Variants in RARB observed in about 807,000 individuals in gnomAD.
RARB encodes HBV-activated protein.
Under a neutral mutation model 51.9 loss-of-function variants are expected in RARB, and 17 were observed. That is an observed-to-expected ratio of 0.33 (90% CI 0.22 to 0.49). RARB has a LOEUF of 0.49. Among genes scored for constraint, RARB ranks in the 20% least tolerant of loss-of-function variants. The pLI is 0.99. For missense variants in RARB, 369 were observed against 550.8 expected, an observed-to-expected ratio of 0.67 and a Z score of 3.30; for synonymous variants, 215 against 195.4, an observed-to-expected ratio of 1.10 and a Z score of -0.84.
chr3:24,938,482 A>G (rs1695591160), intron 2 of RARB, among the ~76,000 whole-genome samples: 1 of 152,136 alleles, frequency 6.6e-6, no homozygotes, highest in South Asian at 2.1e-4. Flanking sequence ...AAAAAATTTA[A>G]TTTACAGACA....
chr3:25,450,167 T>TG (rs1343648357), intron 1 of RARB, among the ~76,000 whole-genome samples: 1 of 152,202 alleles, frequency 6.6e-6, no homozygotes, highest in East Asian at 1.9e-4. Context: ...TGAGTGTTAG[T>TG]GATTACTATT....
intron 4 of RARB, among the ~76,000 whole-genome samples, chr3:25,571,585 G>A (rs138670277): frequency 6.6e-6 from 1 of 152,348 alleles, no homozygotes; most frequent in Non-Finnish European, 1.5e-5. Flanking sequence ...GACAAGACTG[G>A]ACACTGTAAG....
intron 5 of RARB, among the ~76,000 whole-genome samples, chr3:25,267,264 G>A (rs1156822802): frequency 2.0e-5 from 3 of 152,112 alleles, no homozygotes; most frequent in Non-Finnish European, 1.5e-5. Flanking sequence ...ATATCATTTT[G>A]AGCAGCTAGT....
intron 2 of RARB, among the ~76,000 whole-genome samples, chr3:25,026,803 A>G (rs777118232): frequency 2.5e-4 from 38 of 152,212 alleles, no homozygotes; most frequent in Non-Finnish European, 3.4e-4. Flanking sequence ...ATCTAATTTC[A>G]GGTTACCCCA....
intron 5 of RARB, among the ~76,000 whole-genome samples, chr3:25,340,541 A>G (rs973786943): frequency 2.0e-5 from 3 of 152,202 alleles, no homozygotes; most frequent in Non-Finnish European, 2.9e-5. Context: ...GGACATGTGA[A>G]TTAATGTGTG....
At chr3:25,461,158 C>T (rs1695157445) in intron 1 of RARB, 35 bp from the exon 2 acceptor site, 1 of 1,504,366 alleles carries the variant, frequency 6.6e-7, no homozygotes. Flanking sequence ...AATACATTTT[C>T]TCTTTTTTCT....
chr3:25,421,718 C>T (rs796109685), intron 5 of RARB, among the ~76,000 whole-genome samples: 9 of 152,162 alleles, frequency 5.9e-5, no homozygotes, highest in African/African-American at 2.2e-4. Context: ...ACTGACATTT[C>T]CTAAGTACTT....
intron 3 of RARB, among the ~76,000 whole-genome samples, chr3:25,565,386 A>G (rs564728981): frequency 3.9e-5 from 6 of 152,326 alleles, no homozygotes; most frequent in Admixed American, 2.0e-4. Context: ...TATTGTGGTA[A>G]ATAATACTCT....
At chr3:25,267,912 T>C (rs1420207074) in intron 5 of RARB, among the ~76,000 whole-genome samples, 2 of 152,198 alleles carry the variant, frequency 1.3e-5, no homozygotes, top group African/African-American at 2.4e-5. Flanking sequence ...ATATGGAAAA[T>C]TGGCAAATGT....
chr3:25,544,486 A>G (rs190068949), intron 3 of RARB, among the ~76,000 whole-genome samples: 388 of 152,318 alleles, frequency 2.5e-3, no homozygotes, highest in African/African-American at 8.6e-3. Flanking sequence ...CCAAAAACCA[A>G]TTACTACCTG....
intron 5 of RARB, among the ~76,000 whole-genome samples, chr3:25,320,853 A>G (rs969411998): frequency 2.0e-5 from 3 of 152,112 alleles, no homozygotes; most frequent in Non-Finnish European, 4.4e-5. Context: ...GTATAGTCAA[A>G]CCCCAGGCAA....
rs184138063 is a variant in RARB, at chr3:24,985,767, G to T, written c.-379-74358G>T. ...GTCCCACTCTTTTGTACTTTGCACA[G>T]TAGCTACAGCAGCTGTGTTAATTAG... On this transcript the variant is annotated intron_variant, in intron 2 of 11. Transcript: ENST00000383772. Among the ~76,000 whole-genome samples the T allele has an allele frequency of 3.5e-3, 526 of 152,282 alleles. 5 individuals carry two copies. Among genetic ancestry groups the T allele is most frequent in the African/African-American group, 0.012 (485 of 41,552 alleles).
chr3:25,485,108 CAAATT>C (rs1329223488), intron 2 of RARB, among the ~76,000 whole-genome samples: 5 of 152,246 alleles, frequency 3.3e-5, no homozygotes, highest in East Asian at 1.9e-4. Context: ...CTTTTACTGT[CAAATT>C]AAAAACATAA....
intron 2 of RARB, among the ~76,000 whole-genome samples, chr3:24,968,984 CT>C (rs1001911176): frequency 6.7e-5 from 10 of 149,496 alleles, no homozygotes; most frequent in African/African-American, 1.2e-4. Context: ...ATTTGGTCAT[CT>C]TTTTTTTTTC....
intron 3 of RARB, among the ~76,000 whole-genome samples, chr3:25,506,671 G>T (rs75290414): frequency 6.6e-6 from 1 of 152,226 alleles, no homozygotes; most frequent in Non-Finnish European, 1.5e-5. Flanking sequence ...CCATTATAGC[G>T]CAAAAGTAGC....
chr3:25,399,906 G>A (rs894841759), intron 5 of RARB, among the ~76,000 whole-genome samples: 7 of 152,190 alleles, frequency 4.6e-5, no homozygotes, highest in Non-Finnish European at 8.8e-5. Flanking sequence ...TTCTAGAGAA[G>A]TGAGCCTTAT....
intron 4 of RARB, among the ~76,000 whole-genome samples, chr3:25,574,844 G>A (rs577147064): frequency 6.6e-6 from 1 of 152,288 alleles, no homozygotes; most frequent in South Asian, 2.1e-4. Flanking sequence ...AACCAGAGGA[G>A]CAGAACCTGG....
At chr3:24,941,533 C>A (rs1051618988) in intron 2 of RARB, among the ~76,000 whole-genome samples, 5 of 152,068 alleles carry the variant, frequency 3.3e-5, no homozygotes, top group Non-Finnish European at 7.4e-5. Flanking sequence ...GCATGCCCGG[C>A]TCATTTTTGC....
intron 5 of RARB, among the ~76,000 whole-genome samples, chr3:25,188,751 C>T (rs139504096): frequency 0.02 from 249 of 12,346 alleles, 2 homozygotes; most frequent in African/African-American, 0.11. Flanking sequence ...TGTTTTTTAC[C>T]CACAATAGAT....
Sources: gnomAD v4.1 joint callset for allele counts (sites outside exome capture counted in the v4.1 genomes callset) on GRCh38, gnomAD v4.1.1 for gene constraint, MANE v1.5 for transcripts, NCBI Gene and HGNC (gene_info 2026-07-23, HGNC 2026-07-21) for gene names.